The following PTPRD variants were observed in gnomAD, a reference collection of about 807,000 sequenced individuals.
PTPRD encodes the protein protein tyrosine phosphatase receptor type D, also known as receptor-type tyrosine-protein phosphatase delta.
Under a neutral mutation model 214.5 loss-of-function variants are expected in PTPRD, and 34 were observed. That is an observed-to-expected ratio of 0.16 (90% CI 0.12 to 0.21). The LOEUF (loss-of-function observed/expected upper bound fraction) is 0.21. Ranked by LOEUF, PTPRD falls within the 10% of genes least tolerant of loss-of-function variation. PTPRD has a pLI of 1.00. For synonymous variants in PTPRD, 1,128 were observed against 845.7 expected, an observed-to-expected ratio of 1.33 and a Z score of -5.79; for missense variants, 2,545 against 2,398.7, an observed-to-expected ratio of 1.06 and a Z score of -1.27.
intron 2 of PTPRD, among the ~76,000 whole-genome samples, chr9:10,491,503 A>G (rs2040221412): frequency 6.6e-6 from 1 of 152,022 alleles, no homozygotes; most frequent in South Asian, 2.1e-4. Flanking sequence ...TAGATGCTAC[A>G]TCATTTTTAT....
At position 9,564,839 on chromosome 9, in the gene PTPRD, G is replaced by T. The variant is rs1273652807; in HGVS notation, c.-237+9893C>A. ...TACTTCTGAAGATATTTCTTGTTCT[G>T]CCTCCAGAAATGTAAGCTGAACAAA... is the stretch of plus-strand genomic sequence containing the variant. On this transcript the variant is annotated intron_variant, in intron 8 of 45. Coordinates refer to ENST00000381196, the MANE Select transcript of PTPRD (RefSeq NM_002839.4). Among the ~76,000 whole-genome samples the T allele has an allele frequency of 2.9e-5, 4 of 136,428 alleles. No homozygotes were observed. In the East Asian group the frequency reaches 9.6e-4, roughly 33 times the overall value. The allele number at this position is 136,428 out of a possible 152,430, so 89.5% of individuals were successfully genotyped here.
chr9:8,380,260 C>T (rs958708320), intron 37 of PTPRD, among the ~76,000 whole-genome samples: 1 of 152,138 alleles, frequency 6.6e-6, no homozygotes, highest in African/African-American at 2.4e-5. Flanking sequence ...ATCCATTAGC[C>T]TTACTGACTA....
chr9:10,303,922 C>T (rs1293119834), intron 3 of PTPRD, among the ~76,000 whole-genome samples: 1 of 152,108 alleles, frequency 6.6e-6, no homozygotes, highest in Non-Finnish European at 1.5e-5. Context: ...ATGAGGCCAG[C>T]ATCATCCTGA....
rs752607769 is a variant in PTPRD at position 9,024,348 on chromosome 9, G to GTTTTTTTTTTTTT, written c.-142-5614_-142-5613insAAAAAAAAAAAAA. Among the ~76,000 whole-genome samples the GTTTTTTTTTTTTT allele has an allele frequency of 1.5e-3, 95 of 64,022 alleles. 1 individual carries two copies. Among genetic ancestry groups the GTTTTTTTTTTTTT allele is most frequent in the African/African-American group, 2.4e-3 (60 of 24,528 alleles). The allele number at this position is 64,022 out of a possible 152,430, so 42.0% of individuals were successfully genotyped here. On this transcript the variant is annotated intron_variant, in intron 10 of 45. Transcript: ENST00000381196. ...TATTGTCGATTCTTTGTTTTTTTTT[G>GTTTTTTTTTTTTT]TTTGTTTTTTTTTTTTTCCTGTATA... is the stretch of plus-strand genomic sequence containing the variant.
rs556373405 is a variant in PTPRD, at chr9:10,241,600, T to C, written c.-545+99363A>G. Among the ~76,000 whole-genome samples, 13 of 151,980 alleles carry C rather than the reference T, an allele frequency of 8.6e-5. No homozygotes were observed. In the East Asian group the frequency reaches 2.5e-3, roughly 29 times the overall value. On this transcript the variant is annotated intron_variant, in intron 3 of 45. Coordinates refer to ENST00000381196, the MANE Select transcript of PTPRD (RefSeq NM_002839.4). ...TACTGAAAGAAAAATACAAAGCACA[T>C]TGCATGATTTCAATCATATAAAATT...
rs185762379 is a variant in PTPRD at position 9,688,396 on chromosome 9, G to C, written c.-287+46137C>G. ...CAATGTACCTAGGAAGACAAGAATA[G>C]AATTTCCTTTGGACCTTGCAGGATT... On this transcript the variant is annotated intron_variant, in intron 7 of 45. Coordinates refer to ENST00000381196, the MANE Select transcript of PTPRD (RefSeq NM_002839.4). Among the ~76,000 whole-genome samples the C allele has an allele frequency of 1.7e-4, 26 of 151,884 alleles. No individual in the cohort carries two copies. In the Admixed American group the frequency reaches 1.7e-3, roughly 10 times the overall value.
At chr9:10,336,192 A>C (rs1225588967) in intron 3 of PTPRD, among the ~76,000 whole-genome samples, 2 of 151,824 alleles carry the variant, frequency 1.3e-5, no homozygotes, top group Non-Finnish European at 2.9e-5. Context: ...AATAAATGTG[A>C]ATACTAAAAT....
chr9:9,518,323 T>C (rs2096884490), intron 8 of PTPRD, among the ~76,000 whole-genome samples: 1 of 152,060 alleles, frequency 6.6e-6, no homozygotes, highest in Admixed American at 6.6e-5. Flanking sequence ...ATATAGAAAA[T>C]TCTTTTTTAG....
At chr9:8,756,878 A>C (rs2094026764) in intron 11 of PTPRD, among the ~76,000 whole-genome samples, 2 of 152,218 alleles carry the variant, frequency 1.3e-5, no homozygotes, top group South Asian at 4.1e-4. Flanking sequence ...CTGTGGCTCA[A>C]GCATGTAATC....
intron 11 of PTPRD, among the ~76,000 whole-genome samples, chr9:8,844,221 A>C (rs1249332621): frequency 6.6e-6 from 1 of 152,178 alleles, no homozygotes; most frequent in Non-Finnish European, 1.5e-5. Flanking sequence ...TCTTTTATCT[A>C]TGGATTTGCT....
chr9:8,743,123 G>A (rs955848334), intron 11 of PTPRD, among the ~76,000 whole-genome samples: 39 of 145,912 alleles, frequency 2.7e-4, no homozygotes, highest in African/African-American at 9.7e-4. Flanking sequence ...AAGGGGGGGG[G>A]GACTTTTAAG....
intron 3 of PTPRD, among the ~76,000 whole-genome samples, chr9:10,046,035 G>A (rs1224700367): frequency 2.0e-5 from 3 of 151,700 alleles, no homozygotes; most frequent in Non-Finnish European, 3.0e-5. Context: ...TAGAAAATAT[G>A]AGGCATGATA....
intron 3 of PTPRD, among the ~76,000 whole-genome samples, chr9:10,150,126 A>C (rs1002974052): frequency 6.6e-6 from 1 of 152,216 alleles, no homozygotes; most frequent in African/African-American, 2.4e-5. Context: ...CACTAGAAAT[A>C]ATTTCAGAAA....
In PTPRD at chr9:10,025,231, C is replaced by G. The variant is rs373327729; in HGVS notation, c.-472+8487G>C. ...ACTGACTTCCACAATGGTTGAACTA[C>G]TTTACAGTCCCACCAACAGTGTAAA... On this transcript the variant is annotated intron_variant, in intron 4 of 45. Transcript: ENST00000381196. Among the ~76,000 whole-genome samples the G allele has an allele frequency of 2.9e-3, 448 of 152,148 alleles. 1 individual carries two copies. Among genetic ancestry groups the G allele is most frequent in the African/African-American group, 0.01 (428 of 41,512 alleles).
chr9:10,403,847 G>C (rs554121623), intron 2 of PTPRD, among the ~76,000 whole-genome samples: 32 of 151,748 alleles, frequency 2.1e-4, no homozygotes, highest in African/African-American at 7.7e-4. Context: ...TTAGGACAAA[G>C]GGAAGGATGA....
In PTPRD at chr9:9,281,783, C is replaced by G. The variant is rs148319248; in HGVS notation, c.-202-98420G>C. On this transcript the variant is annotated intron_variant, in intron 9 of 45. Coordinates refer to ENST00000381196, the MANE Select transcript of PTPRD (RefSeq NM_002839.4). Reference sequence around the variant, plus strand: ...AGTAAGTTGAAAACTTATGTCCACACAAAAATGAGCACATGAATATTCGTA... The same window carrying G: ...AGTAAGTTGAAAACTTATGTCCACAGAAAAATGAGCACATGAATATTCGTA... Among the ~76,000 whole-genome samples the G allele has an allele frequency of 8.3e-3, 1,246 of 150,730 alleles. 67 individuals are homozygous for G. The highest frequency in any genetic ancestry group is 0.076 in the Admixed American group (1,142 of 15,046).
intron 12 of PTPRD, among the ~76,000 whole-genome samples, chr9:8,644,324 G>A (rs2096641870): frequency 6.6e-6 from 1 of 152,142 alleles, no homozygotes; most frequent in African/African-American, 2.4e-5. Context: ...GAGAGAAGAT[G>A]CCCACTATGG....
intron 37 of PTPRD, among the ~76,000 whole-genome samples, chr9:8,388,042 T>C (rs1413009994): frequency 6.6e-6 from 1 of 152,232 alleles, no homozygotes; most frequent in African/African-American, 2.4e-5. Context: ...AACATCTCTA[T>C]ACAATTCAGA....
At chr9:9,238,823 G>A (rs934456599) in intron 9 of PTPRD, among the ~76,000 whole-genome samples, 2 of 152,084 alleles carry the variant, frequency 1.3e-5, no homozygotes, top group East Asian at 1.9e-4. Flanking sequence ...GAAAATCCAC[G>A]TATCTGATTA....
Sources: allele counts gnomAD v4.1 joint callset (sites outside exome capture counted in the v4.1 genomes callset), GRCh38; gene constraint gnomAD v4.1.1; transcripts MANE v1.5; gene names NCBI Gene and HGNC (gene_info 2026-07-23, HGNC 2026-07-21).